The following RTL5 variants were observed in gnomAD, a reference collection of about 807,000 sequenced individuals.
RTL5 encodes retrotransposon Gag-like protein 5.
A neutral mutation model predicts 7.7 loss-of-function variants in RTL5; 8 were observed. That is an observed-to-expected ratio of 1.04 (90% confidence interval 0.61 to 1.88). RTL5 has a LOEUF of 1.88. RTL5 is among the 40% of genes most tolerant of loss of function. RTL5 has a pLI of 0.00. For missense variants in RTL5, 457 were observed against 472.7 expected (o/e 0.97, Z 0.31); for synonymous variants, 188 against 191.8 (o/e 0.98, Z 0.16).
At chrX:72,131,543 C>G (rs764413186) in exon 1 of RTL5, 4 of 1,174,953 alleles carry the variant, frequency 3.4e-6, no homozygotes, top group East Asian at 3.0e-5. Flanking sequence ...TCAGACATCT[C>G]GACAAGCCCA....
At chrX:72,131,122 G>A (rs1234879780) in exon 1 of RTL5, 5 of 1,200,464 alleles carry the variant, frequency 4.2e-6, no homozygotes, top group Admixed American at 2.2e-5. Flanking sequence ...GGGTTGCGGG[G>A]GCGGTTCCTT....
chrX:72,131,011 T>C (rs2042289258), exon 1 of RTL5: 1 of 1,210,722 alleles, frequency 8.3e-7, no homozygotes, highest in African/African-American at 1.7e-5. Flanking sequence ...ATGAACCTCA[T>C]GGTCGGCTAT....
chrX:72,129,851 G>A (rs1386625311), exon 1 of RTL5: 12 of 1,195,508 alleles, frequency 1.0e-5, no homozygotes, highest in South Asian at 1.8e-5. Flanking sequence ...ATTCGGCCAC[G>A]AGCAGCTCGG....
At chrX:72,130,730 G>A (rs1462670346) in exon 1 of RTL5, 1 of 1,211,829 alleles carries the variant, frequency 8.3e-7, no homozygotes, top group East Asian at 3.0e-5. Flanking sequence ...TTTTGGAGGC[G>A]GCAGTCATCC....
exon 1 of RTL5, chrX:72,131,815 A>C: frequency 4.6e-6 from 1 of 215,805 alleles, no homozygotes; most frequent in Non-Finnish European, 8.0e-6. Flanking sequence ...CAGGCGGAGG[A>C]TGCGGGCGAC....
At chrX:72,129,065 G>A (rs1333065749) in exon 1 of RTL5, 2 of 113,110 alleles carry the variant, frequency 1.8e-5, no homozygotes, top group Admixed American at 9.3e-5. Context: ...AATGTGGTGA[G>A]AGGAAAGGGC....
chrX:72,129,844 C>T (rs1462526303), exon 1 of RTL5: 5 of 1,189,840 alleles, frequency 4.2e-6, no homozygotes, highest in East Asian at 3.0e-5. Flanking sequence ...AACTCGAATT[C>T]GGCCACGAGC....
exon 1 of RTL5, chrX:72,130,656 G>T: frequency 8.3e-7 from 1 of 1,211,490 alleles, no homozygotes; most frequent in Non-Finnish European, 1.1e-6. Context: ...CATCCAGGTC[G>T]GCCATTTCTG....
chrX:72,130,992 C>T (rs774652368), exon 1 of RTL5: 2 of 1,209,065 alleles, frequency 1.7e-6, no homozygotes, highest in African/African-American at 3.5e-5. Flanking sequence ...GCTCGGCGCC[C>T]CCGGGGAAAT....
rs1370150255 is a variant in RTL5, at chrX:72,131,195, C to G, written c.346G>C (p.Gly116Arg). Residue 116 changes from glycine (G) to arginine (R), a missense_variant, in exon 1 of 1, where the codon GGG (glycine) becomes CGG (arginine). Transcript: ENST00000609883. ...GGCAGCAGAGGGGGGTCAGCGGGCC[C>G]GTCGGGGGTGCTGCGATCCTGGATC... 3.3e-6 allele frequency: 4 copies of G among 1,194,240 alleles called. No homozygotes were observed. The Admixed American group carries it at 6.7e-5, about 20-fold the overall frequency.
At chrX:72,130,982 G>T (rs780600109) in exon 1 of RTL5, 224 of 1,209,113 alleles carry the variant, frequency 1.9e-4, no homozygotes, top group Middle Eastern at 4.6e-4. Flanking sequence ...AAGGCCACCC[G>T]CTCGGCGCCC....
Position 72,131,516 on chromosome X carries a change from TGA to T in RTL5, c.23_24del (p.Leu8GlnfsTer36), listed in dbSNP as rs1312555748. Reference sequence around the variant, plus strand: ...GCCACATTCGCCATGCGGAGGCTGTTGAGATTTCCTGACGCCTCAGACATCTC... The same window carrying T: ...GCCACATTCGCCATGCGGAGGCTGTTGATTTCCTGACGCCTCAGACATCTC... On this transcript the variant is annotated frameshift_variant, in exon 1 of 1. Coordinates refer to ENST00000609883, the Ensembl canonical transcript of RTL5. LOFTEE classifies it low-confidence loss of function (END_TRUNC). 1.7e-6 allele frequency: 2 copies of T among 1,191,324 alleles called. No individual in the cohort carries two copies. The highest frequency in any genetic ancestry group is 3.8e-5 in the South Asian group (2 of 53,124).
chrX:72,129,476 C>A, exon 1 of RTL5: 1 of 199,573 alleles, frequency 5.0e-6, no homozygotes, highest in East Asian at 9.5e-5. Context: ...GGTGAAGAAA[C>A]GCAGGAGAGG....
At chrX:72,129,761 A>C in exon 1 of RTL5, 1 of 1,020,824 alleles carries the variant, frequency 9.8e-7, no homozygotes, top group Non-Finnish European at 1.3e-6. Context: ...TGGGGCAGGT[A>C]TGGCAGCAAT....
At chrX:72,129,953 G>T (rs1212092566) in exon 1 of RTL5, 1 of 1,208,524 alleles carries the variant, frequency 8.3e-7, no homozygotes, top group East Asian at 3.0e-5. Context: ...CGAATCAGTT[G>T]GGGGGAGCTG....
chrX:72,129,972 T>C (rs1355660924), exon 1 of RTL5: 2 of 1,211,155 alleles, frequency 1.7e-6, no homozygotes, highest in African/African-American at 1.7e-5. Flanking sequence ...TGTAGAATGG[T>C]GAATTGGTGC....
chrX:72,131,527 G>A (rs966523112), exon 1 of RTL5: 1 of 1,187,906 alleles, frequency 8.4e-7, no homozygotes, highest in South Asian at 1.9e-5. Context: ...GAGATTTCCT[G>A]ACGCCTCAGA....
At chrX:72,131,827 C>A (rs192501416) in exon 1 of RTL5, 2,501 of 216,282 alleles carry the variant, frequency 0.012, 65 homozygotes, top group African/African-American at 0.074. Flanking sequence ...GCGGGCGACA[C>A]GGTGGCGGCG....
exon 1 of RTL5, chrX:72,130,224 C>T: frequency 8.3e-7 from 1 of 1,210,507 alleles, no homozygotes; most frequent in Non-Finnish European, 1.1e-6. Context: ...CTGGATCCTG[C>T]TGTGGCTCTC....
Sources: allele counts gnomAD v4.1 joint callset, GRCh38; gene constraint gnomAD v4.1.1; transcripts MANE v1.5; gene names NCBI Gene and HGNC (gene_info 2026-07-23, HGNC 2026-07-21).